The following SULT2A1 variants were observed in gnomAD, a reference collection of about 807,000 sequenced individuals.
SULT2A1 encodes the protein sulfotransferase family 2A member 1.
A neutral mutation model predicts 33.9 loss-of-function variants in SULT2A1; 43 were observed. That is an observed-to-expected ratio of 1.27 (90% CI 1.00 to 1.64). The LOEUF is 1.64. Ranked by LOEUF, SULT2A1 falls within the 40% of genes most tolerant of loss-of-function variation. The pLI, the probability that SULT2A1 is intolerant of heterozygous loss-of-function variation, is 0.00. For synonymous variants in SULT2A1, 125 were observed against 113.6 expected, an observed-to-expected ratio of 1.10 and a Z score of -0.64; for missense variants, 300 against 335.1, an observed-to-expected ratio of 0.90 and a Z score of 0.82.
intron 1 of SULT2A1, among the ~76,000 whole-genome samples, chr19:47,884,259 C>T (rs1351582258): frequency 1.3e-5 from 2 of 151,120 alleles, no homozygotes; most frequent in African/African-American, 4.9e-5. Context: ...GCAAGCTGTG[C>T]ATCCCGGGTT....
At position 47,871,288 on chromosome 19, in the gene SULT2A1, C is replaced by A. The variant is rs917875577; in HGVS notation, c.*167G>T. The A allele has an allele frequency of 1.6e-6, 1 of 611,830 alleles. No homozygotes were observed. Among genetic ancestry groups the A allele is most frequent in the Admixed American group, 2.9e-5 (1 of 34,062 alleles). The allele number at this position is 611,830 out of a possible 1,614,324, so 37.9% of individuals were successfully genotyped here. A position where few individuals can be genotyped will look rare whatever the true frequency, so the allele number is the denominator to read the frequency against. On this transcript the variant is annotated 3_prime_UTR_variant, in exon 6 of 6. Coordinates refer to ENST00000222002, the MANE Select transcript of SULT2A1 (RefSeq NM_003167.4). ...TACAGGCATGAACCACCGTGCCTGG[C>A]CAACCCTGGTAACTTTTAACAAGGA... is the stretch of plus-strand genomic sequence containing the variant.
intron 4 of SULT2A1, among the ~76,000 whole-genome samples, chr19:47,877,814 T>C (rs1968561811): frequency 6.6e-6 from 1 of 152,172 alleles, no homozygotes. Context: ...ACCTCCCCAG[T>C]GCTGGGATTA....
At chr19:47,877,166 C>A (rs564649513) in intron 4 of SULT2A1, among the ~76,000 whole-genome samples, 20 of 151,376 alleles carry the variant, frequency 1.3e-4, no homozygotes, top group South Asian at 6.3e-4. Flanking sequence ...TGGGACGTGA[C>A]GTTTCCCAGG....
chr19:47,880,981 C>G (rs1260510187), intron 3 of SULT2A1, among the ~76,000 whole-genome samples: 4 of 152,116 alleles, frequency 2.6e-5, no homozygotes, highest in African/African-American at 7.2e-5. Context: ...TAGACTCATG[C>G]TAGTCTTTGC....
At chr19:47,878,271 G>A (rs1421761198) in intron 4 of SULT2A1, among the ~76,000 whole-genome samples, 1 of 151,852 alleles carries the variant, frequency 6.6e-6, no homozygotes, top group African/African-American at 2.4e-5. Context: ...TGAATTCATG[G>A]GCTCAAGTAA....
Position 47,871,333 on chromosome 19 carries a change from G to T in SULT2A1, c.*122C>A. ...CAAGGAAGGGATCAGAGATGCAGAG[G>T]TTTGATATTTAAGGTTTCAGGATAA... On this transcript the variant is annotated 3_prime_UTR_variant, in exon 6 of 6. Transcript: ENST00000222002. 1 of 770,634 alleles carries T rather than the reference G, an allele frequency of 1.3e-6. No individual in the cohort carries two copies. The highest frequency in any genetic ancestry group is 1.8e-5 in the South Asian group (1 of 55,902). 47.7% of individuals were successfully genotyped at this position (770,634 alleles called of 1,614,324 possible). A position where few individuals can be genotyped will look rare whatever the true frequency, so the allele number is the denominator to read the frequency against.
Position 47,872,812 on chromosome 19 carries a change from AC to A in SULT2A1, c.746-1246del, listed in dbSNP as rs1968505616. Among the ~76,000 whole-genome samples, 4 of 147,346 alleles carry A rather than the reference AC, an allele frequency of 2.7e-5. No homozygotes were observed. The South Asian group carries it at 8.5e-4, about 31-fold the overall frequency. On this transcript the variant is annotated intron_variant, in intron 5 of 5. Transcript: ENST00000222002. Reference sequence around the variant, plus strand: ...CTTGCTCTGTCTCCCAGGCAGGAGTACAGTGTTGTAATCTCGGCTCACTGCA... The same window carrying A: ...CTTGCTCTGTCTCCCAGGCAGGAGTAAGTGTTGTAATCTCGGCTCACTGCA...
chr19:47,885,224 G>A (rs769616608), intron 1 of SULT2A1, among the ~76,000 whole-genome samples: 12 of 152,138 alleles, frequency 7.9e-5, no homozygotes, highest in Non-Finnish European at 1.5e-4. Flanking sequence ...ACTCTATGCA[G>A]AGCCAGCACC....
intron 1 of SULT2A1, among the ~76,000 whole-genome samples, chr19:47,884,590 C>G (rs1411688423): frequency 6.6e-6 from 1 of 151,106 alleles, no homozygotes; most frequent in African/African-American, 2.4e-5. Context: ...GATCCTTGTA[C>G]TTCGGCCTCC....
chr19:47,886,215 T>G lies in SULT2A1; in HGVS notation c.43A>C (p.Thr15Pro). The G allele has an allele frequency of 6.2e-7, 1 of 1,614,102 alleles. No individual in the cohort carries two copies. Among genetic ancestry groups the G allele is most frequent in the Non-Finnish European group, 8.5e-7 (1 of 1,180,010 alleles). ...AAGGTTTCGGATCTGAAACCCATAG[T>G]AGGGAAAGCTATGCCTTCAAACCAT... ...FLWFEGIAFPTMGFRSETLRK... is the reference protein window; with the variant it reads ...FLWFEGIAFPPMGFRSETLRK... Residue 15 changes from threonine to proline, a missense_variant, in exon 1 of 6, where the codon ACT becomes CCT. By Grantham distance (38) the Thr-to-Pro change is conservative. Transcript: ENST00000222002.
At chr19:47,878,985 T>C in intron 4 of SULT2A1, 51 bp downstream of exon 4, 1 of 1,148,848 alleles carries the variant, frequency 8.7e-7, no homozygotes, top group Non-Finnish European at 1.3e-6. Context: ...TTAAGGAAAG[T>C]AAGGATGGTG....
chr19:47,880,094 G>T (rs947355175), intron 3 of SULT2A1, among the ~76,000 whole-genome samples: 81 of 151,824 alleles, frequency 5.3e-4, no homozygotes, highest in African/African-American at 1.9e-3. Flanking sequence ...AAAATTAGCC[G>T]GGTGTGATGG....
intron 4 of SULT2A1, 32 bp downstream of exon 4, chr19:47,879,004 G>T (rs778273086): frequency 7.7e-7 from 1 of 1,291,634 alleles, no homozygotes; most frequent in African/African-American, 1.5e-5. Context: ...TGGTGAGAGG[G>T]TGTGCACTGA....
intron 3 of SULT2A1, 33 bp downstream of exon 3, chr19:47,882,051 T>A: frequency 1.2e-6 from 2 of 1,610,856 alleles, no homozygotes; most frequent in Non-Finnish European, 1.7e-6. Flanking sequence ...GCTAGAAGAC[T>A]CCAAGCACCC....
At chr19:47,876,180 T>C (rs1314160645) in intron 4 of SULT2A1, among the ~76,000 whole-genome samples, 1 of 152,084 alleles carries the variant, frequency 6.6e-6, no homozygotes, top group Admixed American at 6.6e-5. Context: ...CACTCCCGGC[T>C]AATTTACGTA....
chr19:47,884,045 C>T (rs1222176580), intron 1 of SULT2A1, among the ~76,000 whole-genome samples: 1 of 148,804 alleles, frequency 6.7e-6, no homozygotes, highest in Non-Finnish European at 1.5e-5. Context: ...GCGGAGGTTG[C>T]GGTGAGCCGA....
intron 1 of SULT2A1, among the ~76,000 whole-genome samples, chr19:47,885,394 A>G (rs923143522): frequency 2.6e-5 from 4 of 152,078 alleles, no homozygotes; most frequent in African/African-American, 9.7e-5. Flanking sequence ...CTTGATGTTT[A>G]TCTCTGTTGT....
At chr19:47,882,709 G>T (rs1968615041) in intron 2 of SULT2A1, among the ~76,000 whole-genome samples, 1 of 151,872 alleles carries the variant, frequency 6.6e-6, no homozygotes, top group East Asian at 1.9e-4. Context: ...GAGGTCAGGA[G>T]TTCGAGACCA....
intron 4 of SULT2A1, among the ~76,000 whole-genome samples, chr19:47,878,026 C>T (rs190480261): frequency 3.3e-5 from 5 of 152,320 alleles, no homozygotes; most frequent in Admixed American, 1.3e-4. Context: ...ATCTCAGGAA[C>T]TAAATCACTT....
Sources: gnomAD v4.1 joint callset for allele counts (sites outside exome capture counted in the v4.1 genomes callset) on GRCh38, gnomAD v4.1.1 for gene constraint, MANE v1.5 for transcripts, NCBI Gene and HGNC (gene_info 2026-07-23, HGNC 2026-07-21) for gene names.